FAM161A: variants seen among roughly 807,000 people sequenced by gnomAD.
The protein encoded by FAM161A is FAM161 centrosomal protein A.
Under a neutral mutation model 70.9 loss-of-function variants are expected in FAM161A, and 57 were observed. That is an observed-to-expected ratio of 0.80 (90% CI 0.65 to 1.00). The LOEUF (loss-of-function observed/expected upper bound fraction) is 1.00. Among genes scored for constraint, FAM161A ranks in the 50% least tolerant of loss-of-function variants. The probability of loss-of-function intolerance (pLI) is 0.00; values close to 1 mark genes in which losing one functional copy is unlikely to be tolerated. For missense variants in FAM161A, 880 were observed against 836.0 expected (o/e 1.05, Z -0.65); for synonymous variants, 299 against 295.7 (o/e 1.01, Z -0.12).
Position 61,827,169 on chromosome 2 carries a change from T to TAG in FAM161A, c.1940_1941insCT (p.Gln647HisfsTer2), listed in dbSNP as rs1198977865. On this transcript the variant is annotated frameshift_variant, in exon 6 of 7. Coordinates refer to ENST00000404929, the MANE Select transcript of FAM161A (RefSeq NM_001201543.2). LOFTEE classifies it high-confidence loss of function. The stretch of plus-strand genomic sequence containing the variant: ...TGAAGTACTCAAGTACTTTTCCACT[T>TAG]TGGCCTTTCTTTGAAACAAACTCAT... 2.5e-6 allele frequency: 4 copies of TAG among 1,613,900 alleles called. No individual in the cohort carries two copies. The African/African-American group carries it at 5.3e-5, about 22-fold the overall frequency.
At chr2:61,840,858 C>T (rs1046985706) in intron 2 of FAM161A, among the ~76,000 whole-genome samples, 1 of 152,080 alleles carries the variant, frequency 6.6e-6, no homozygotes, top group Non-Finnish European at 1.5e-5. Flanking sequence ...TACCAAGTTA[C>T]CCAGGATGGT....
At chr2:61,842,455 C>T in intron 1 of FAM161A, 95 bp from the exon 2 acceptor site, 1 of 729,424 alleles carries the variant, frequency 1.4e-6, no homozygotes, top group South Asian at 1.8e-5. Flanking sequence ...AAGAGTCCAC[C>T]TAGTTAGGTT....
chr2:61,847,762 C>T (rs996611125), intron 1 of FAM161A, among the ~76,000 whole-genome samples: 1 of 151,900 alleles, frequency 6.6e-6, no homozygotes, highest in Non-Finnish European at 1.5e-5. Flanking sequence ...ACAGTGTGAC[C>T]CTGTCTCAAA....
chr2:61,842,284 T>C lies in FAM161A; in HGVS notation c.260A>G (p.Asp87Gly), dbSNP rs1320387432. ...ATACTCCTCATTAGAGTGGTGAATA[T>C]CAGGAAAGTTCACAAAGTCCTCATA... ...ISYEDFVNFP[D>G]IHHSNEEYFK... The change falls in exon 2 of 7, where the codon GAT becomes GGT. Residue 87 changes from aspartate to glycine, a missense_variant. Transcript: ENST00000404929. The C allele has an allele frequency of 6.8e-6, 11 of 1,611,862 alleles. No individual in the cohort carries two copies. Among genetic ancestry groups the C allele is most frequent in the Non-Finnish European group, 9.3e-6 (11 of 1,178,670 alleles).
At chr2:61,812,819 C>T in the FAM161A span, among the ~76,000 whole-genome samples, 1 of 152,168 alleles carries the variant, frequency 6.6e-6, no homozygotes, top group African/African-American at 2.4e-5. Context: ...CCTGTAATCC[C>T]AGCACTTTGG....
the FAM161A span, among the ~76,000 whole-genome samples, chr2:61,807,362 T>C: frequency 2.0e-5 from 3 of 151,992 alleles, no homozygotes; most frequent in Non-Finnish European, 4.4e-5. Flanking sequence ...GGGAATTTTT[T>C]GTTTAAGTAT....
At chr2:61,819,312 T>C in the FAM161A span, among the ~76,000 whole-genome samples, 1 of 152,050 alleles carries the variant, frequency 6.6e-6, no homozygotes, top group Non-Finnish European at 1.5e-5. Flanking sequence ...AGTACAAAAA[T>C]TAGCCGGGCA....
chr2:61,804,805 A>AGAAAGAAAGAAG, the FAM161A span, among the ~76,000 whole-genome samples: 1 of 149,686 alleles, frequency 6.7e-6, no homozygotes, highest in East Asian at 2.0e-4. Flanking sequence ...AAAGAAAGAA[A>AGAAAGAAAGAAG]GAAAGAAAGA....
chr2:61,846,360 C>A (rs1673215119), intron 1 of FAM161A, among the ~76,000 whole-genome samples: 1 of 152,124 alleles, frequency 6.6e-6, no homozygotes, highest in African/African-American at 2.4e-5. Context: ...ACCACTGGCT[C>A]CTGATTACTG....
the FAM161A span, among the ~76,000 whole-genome samples, chr2:61,809,617 G>A: frequency 2.6e-5 from 4 of 152,196 alleles, no homozygotes; most frequent in Non-Finnish European, 5.9e-5. Flanking sequence ...GGTTGGGGGA[G>A]ATGGGTAGGT....
At chr2:61,835,161 C>T (rs1044409125) in intron 5 of FAM161A, among the ~76,000 whole-genome samples, 13 of 152,224 alleles carry the variant, frequency 8.5e-5, no homozygotes, top group African/African-American at 2.7e-4. Context: ...TAACTATGCT[C>T]ATCTGTTACA....
chr2:61,853,593 T>C (rs1489732564), intron 1 of FAM161A, among the ~76,000 whole-genome samples: 1 of 152,252 alleles, frequency 6.6e-6, no homozygotes, highest in Non-Finnish European at 1.5e-5. Context: ...TTCTATACTT[T>C]GCACTTGCCA....
chr2:61,818,417 C>T, the FAM161A span, among the ~76,000 whole-genome samples: 2 of 152,138 alleles, frequency 1.3e-5, no homozygotes, highest in African/African-American at 4.8e-5. Context: ...AAATAAATGG[C>T]CAATGCCAGG....
rs1276382479 is a variant in FAM161A at position 61,838,610 on chromosome 2, G to T, written c.1679C>A (p.Thr560Lys). The change falls in exon 4 of 7, where the codon ACA becomes AAA. Residue 560 changes from threonine (T) to lysine (K), a missense_variant. Physicochemically the swap from Thr to Lys is moderately conservative, Grantham distance 78. Coordinates refer to ENST00000404929, the MANE Select transcript of FAM161A (RefSeq NM_001201543.2). ...QRMKELQKLL[T>K]TRAKAYDSHQ... ...TGAGTCATAAGCCTTAGCCCGGGTTGTCAGGAGTTTCTGCAATTCTTTCAT... is the reference window on the plus strand; with the variant it reads ...TGAGTCATAAGCCTTAGCCCGGGTTTTCAGGAGTTTCTGCAATTCTTTCAT... 1 of 1,612,076 alleles carries T rather than the reference G, an allele frequency of 6.2e-7. No individual in the cohort carries two copies. The highest frequency in any genetic ancestry group is 1.3e-5 in the African/African-American group (1 of 74,906).
the FAM161A span, among the ~76,000 whole-genome samples, chr2:61,814,486 T>C: frequency 6.6e-6 from 1 of 152,210 alleles, no homozygotes; most frequent in Non-Finnish European, 1.5e-5. Flanking sequence ...TCTGCTTCTC[T>C]TCCTTTCCTC....
the FAM161A span, among the ~76,000 whole-genome samples, chr2:61,811,814 C>T: frequency 4.3e-4 from 65 of 152,254 alleles, no homozygotes; most frequent in African/African-American, 1.3e-3. Flanking sequence ...CCCAGAGTGA[C>T]CATTTAAAAC....
At chr2:61,805,353 T>C in the FAM161A span, among the ~76,000 whole-genome samples, 1 of 152,132 alleles carries the variant, frequency 6.6e-6, no homozygotes, top group Admixed American at 6.6e-5. Context: ...CCGTGTCTAC[T>C]AAAAATACAA....
chr2:61,814,075 G>C, the FAM161A span, among the ~76,000 whole-genome samples: 1 of 152,180 alleles, frequency 6.6e-6, no homozygotes, highest in African/African-American at 2.4e-5. Flanking sequence ...GAGGGAACAT[G>C]CAGAAGCCCC....
chr2:61,814,537 A>G, the FAM161A span, among the ~76,000 whole-genome samples: 1 of 152,120 alleles, frequency 6.6e-6, no homozygotes, highest in Non-Finnish European at 1.5e-5. Context: ...CAACGTGACA[A>G]AACTCCGTCT....
Sources: allele counts gnomAD v4.1 joint callset (sites outside exome capture counted in the v4.1 genomes callset), GRCh38; gene constraint gnomAD v4.1.1; transcripts MANE v1.5; gene names NCBI Gene and HGNC (gene_info 2026-07-23, HGNC 2026-07-21).